TIAM1: variants seen among roughly 807,000 people sequenced by gnomAD.
TIAM1 encodes rho guanine nucleotide exchange factor TIAM1.
TIAM1 carries 65 observed loss-of-function variants against 163.5 expected under a neutral mutation model. That is an observed-to-expected ratio of 0.40 (90% CI 0.33 to 0.49). The LOEUF (loss-of-function observed/expected upper bound fraction) is 0.49, where lower values mean the gene tolerates loss of function less well. Among genes scored for constraint, TIAM1 ranks in the 20% least tolerant of loss-of-function variants. The pLI is 0.77. For missense variants in TIAM1, 1,789 were observed against 2,044.7 expected, an observed-to-expected ratio of 0.87 and a Z score of 2.41; for synonymous variants, 833 against 810.1, an observed-to-expected ratio of 1.03 and a Z score of -0.48.
chr21:31,332,731 A>G (rs751354988), intron 2 of TIAM1, among the ~76,000 whole-genome samples: 1 of 151,912 alleles, frequency 6.6e-6, no homozygotes, highest in Non-Finnish European at 1.5e-5. Flanking sequence ...AACTCGCGAT[A>G]AAACACCCAC....
rs1236111367 is a variant in TIAM1, at chr21:31,517,315, C to A, written c.-422+41612G>T. On this transcript the variant is annotated intron_variant, in intron 1 of 28. Coordinates refer to the TIAM1 transcript ENST00000286827. ...TTAGGAGGCCAGAACAGGAGAATCA[C>A]TTGAGGCCAGGAGTTCAAGACAGCC... 4.6e-5 allele frequency among the ~76,000 whole-genome samples: 7 copies of A among 152,240 alleles called. No individual in the cohort carries two copies. The East Asian group carries it at 1.4e-3, about 29-fold the overall frequency.
intron 6 of TIAM1, among the ~76,000 whole-genome samples, chr21:31,241,748 T>C (rs192617375): frequency 1.5e-3 from 235 of 152,320 alleles, no homozygotes; most frequent in Middle Eastern, 3.4e-3. Flanking sequence ...GATTCATGCC[T>C]ATCATCCCAG....
intron 2 of TIAM1, among the ~76,000 whole-genome samples, chr21:31,423,868 G>A (rs1412805492): frequency 1.5e-5 from 2 of 129,674 alleles, no homozygotes; most frequent in East Asian, 2.8e-4. Flanking sequence ...GGGGGCGGGG[G>A]GGGGGTCAAG....
intron 1 of TIAM1, among the ~76,000 whole-genome samples, chr21:31,474,981 T>G: frequency 6.6e-6 from 1 of 151,790 alleles, no homozygotes; most frequent in African/African-American, 2.4e-5. Context: ...AGAACAGGAT[T>G]TGAATTGCAG....
intron 1 of TIAM1, among the ~76,000 whole-genome samples, chr21:31,550,657 A>C (rs2048653499): frequency 6.6e-6 from 1 of 152,246 alleles, no homozygotes; most frequent in Non-Finnish European, 1.5e-5. Context: ...TGTCATAAAA[A>C]TAAAAACAAT....
rs1273667918 is a variant in TIAM1, at chr21:31,436,899, A to G, written c.-369+27084T>C. Among the ~76,000 whole-genome samples, 3 of 152,200 alleles carry G rather than the reference A, an allele frequency of 2.0e-5. No individual in the cohort carries two copies. In the East Asian group the frequency reaches 5.8e-4, roughly 29 times the overall value. On this transcript the variant is annotated intron_variant, in intron 2 of 28. Coordinates refer to the TIAM1 transcript ENST00000286827. ...CTTGCACCCAGGAGGTGGAGGTTGC[A>G]CTGAGCTGAGATCACTCCACTGTAC...
intron 16 of TIAM1, among the ~76,000 whole-genome samples, chr21:31,156,744 A>G (rs1415217298): frequency 6.6e-6 from 1 of 152,206 alleles, no homozygotes; most frequent in East Asian, 1.9e-4. Flanking sequence ...CCCTTGCCAA[A>G]ATGAAAATCC....
intron 2 of TIAM1, among the ~76,000 whole-genome samples, chr21:31,336,808 G>A (rs746541827): frequency 1.3e-5 from 2 of 152,178 alleles, no homozygotes; most frequent in Non-Finnish European, 1.5e-5. Flanking sequence ...CTCTGAAGGA[G>A]AGGTAAAATC....
At chr21:31,486,877 T>G (rs2068467272) in intron 1 of TIAM1, among the ~76,000 whole-genome samples, 1 of 152,226 alleles carries the variant, frequency 6.6e-6, no homozygotes, top group African/African-American at 2.4e-5. Flanking sequence ...CTTTCTGCTG[T>G]GTGGCCGCTT....
chr21:31,210,809 AGAAAG>A (rs1277349584), intron 10 of TIAM1, among the ~76,000 whole-genome samples: 1 of 149,896 alleles, frequency 6.7e-6, no homozygotes, highest in African/African-American at 2.5e-5. Context: ...AAAGAAAGAA[AGAAAG>A]GTCACCATTC....
Position 31,225,739 on chromosome 21 carries a change from G to A in TIAM1, c.1796C>T (p.Thr599Ile). Reference sequence around the variant, plus strand: ...AAGAACGATTACCTGATCTAATATTGTTTTCTTTTTCTTTGAGTCAGTGAC... The same window carrying A: ...AAGAACGATTACCTGATCTAATATTATTTTCTTTTTCTTTGAGTCAGTGAC... ...SSVTDSKKKK[T>I]ILDQIFVWEQ... Residue 599 changes from threonine to isoleucine, a missense_variant, in exon 7 of 28, where the codon ACA becomes ATA. Around this residue, in one of 5 missense-constraint regions of TIAM1, gnomAD observed 456 missense variants for 586.6 expected, o/e 0.78. Coordinates refer to ENST00000541036, the MANE Select transcript of TIAM1 (RefSeq NM_001353694.2). The A allele has an allele frequency of 6.2e-7, 1 of 1,610,430 alleles. No homozygotes were observed. The highest frequency in any genetic ancestry group is 8.5e-7 in the Non-Finnish European group (1 of 1,179,596).
At chr21:31,489,883 G>T (rs1286981504) in intron 1 of TIAM1, among the ~76,000 whole-genome samples, 1 of 152,106 alleles carries the variant, frequency 6.6e-6, no homozygotes, top group East Asian at 1.9e-4. Context: ...AGAAAAACAA[G>T]GTTTCCGGAT....
intron 8 of TIAM1, among the ~76,000 whole-genome samples, chr21:31,221,408 A>G (rs986342052): frequency 1.3e-5 from 2 of 152,200 alleles, no homozygotes; most frequent in African/African-American, 4.8e-5. Context: ...CCACTGACCA[A>G]AACACCTCAG....
chr21:31,480,920 A>AT lies in TIAM1; in HGVS notation c.-421-16886dup, dbSNP rs1439385326. Among the ~76,000 whole-genome samples the AT allele has an allele frequency of 2.6e-5, 4 of 151,850 alleles. No individual in the cohort carries two copies. In the East Asian group the frequency reaches 5.8e-4, roughly 22 times the overall value. On this transcript the variant is annotated intron_variant, in intron 1 of 28. Transcript: ENST00000286827. The stretch of plus-strand genomic sequence containing the variant: ...AGACATGAGCCCCCACGCCCAACTA[A>AT]TTTTTTTGTATTTTTAGTAGAGATG...
intron 2 of TIAM1, chr21:31,452,589 T>C: frequency 1.7e-6 from 1 of 585,550 alleles, no homozygotes; most frequent in Non-Finnish European, 3.2e-6. Flanking sequence ...CTGGAATCGA[T>C]ATAGCACTAA....
At chr21:31,392,398 C>T (rs2076980609) in intron 2 of TIAM1, among the ~76,000 whole-genome samples, 1 of 151,860 alleles carries the variant, frequency 6.6e-6, no homozygotes, top group Non-Finnish European at 1.5e-5. Context: ...TGATGAAACC[C>T]CGTCTCTACT....
chr21:31,347,584 A>T (rs1307606476), upstream of TIAM1, among the ~76,000 whole-genome samples: 2 of 152,222 alleles, frequency 1.3e-5, no homozygotes, highest in South Asian at 4.1e-4. Context: ...ACTTATACAC[A>T]AATGTACAGT....
intron 1 of TIAM1, among the ~76,000 whole-genome samples, chr21:31,552,282 C>A (rs1191686175): frequency 6.6e-6 from 1 of 151,564 alleles, no homozygotes; most frequent in Non-Finnish European, 1.5e-5. Flanking sequence ...ACAATCAAAT[C>A]GAACTTTGCA....
chr21:31,262,322 G>C (rs552815214), intron 4 of TIAM1, among the ~76,000 whole-genome samples: 1 of 152,164 alleles, frequency 6.6e-6, no homozygotes, highest in Non-Finnish European at 1.5e-5. Flanking sequence ...TCTGACACTA[G>C]GCAGCCCCCT....
Sources: gnomAD v4.1 joint callset for allele counts (sites outside exome capture counted in the v4.1 genomes callset) on GRCh38, gnomAD v4.1.1 for gene constraint, gnomAD v4.1.1 regional missense constraint, MANE v1.5 for transcripts, NCBI Gene and HGNC (gene_info 2026-07-23, HGNC 2026-07-21) for gene names.